PTPN2: variants seen among roughly 807,000 people sequenced by gnomAD.
PTPN2 encodes protein tyrosine phosphatase non-receptor type 2.
In PTPN2, 19 loss-of-function variants were observed where a neutral mutation model predicts 57.3. The ratio of observed to expected loss-of-function variants is 0.33; its 90% CI spans 0.23 to 0.49. The LOEUF (loss-of-function observed/expected upper bound fraction) is 0.49, where lower values mean the gene tolerates loss of function less well. PTPN2 is among the 20% of genes least tolerant of loss of function. The probability of loss-of-function intolerance (pLI) is 0.99; values close to 1 mark genes in which losing one functional copy is unlikely to be tolerated. For synonymous variants in PTPN2, 153 were observed against 164.9 expected (o/e 0.93, Z 0.55); for missense variants, 358 against 501.1 (o/e 0.71, Z 2.73).
chr18:12,860,077 CA>C (rs1379590922), intron 1 of PTPN2, among the ~76,000 whole-genome samples: 1 of 151,560 alleles, frequency 6.6e-6, no homozygotes, highest in Non-Finnish European at 1.5e-5. Flanking sequence ...CACCTGAGGT[CA>C]GGAGTTTGAG....
At chr18:12,873,355 C>T (rs1169039903) in intron 1 of PTPN2, among the ~76,000 whole-genome samples, 1 of 152,212 alleles carries the variant, frequency 6.6e-6, no homozygotes, top group Non-Finnish European at 1.5e-5. Flanking sequence ...CTGGACTGTA[C>T]TGCTGCCATC....
chr18:12,873,977 G>A (rs1412950139), intron 1 of PTPN2, among the ~76,000 whole-genome samples: 1 of 151,452 alleles, frequency 6.6e-6, no homozygotes, highest in African/African-American at 2.4e-5. Flanking sequence ...CTGCCCAGCC[G>A]CCCCATCTGA....
intron 4 of PTPN2, 87 bp from the exon 5 acceptor site, chr18:12,826,031 T>C (rs1487699868): frequency 1.9e-6 from 2 of 1,054,154 alleles, no homozygotes; most frequent in Non-Finnish European, 1.4e-6. Flanking sequence ...AAACCAGATA[T>C]ATACATGCTA....
intron 9 of PTPN2, chr18:12,786,981 TTC>T (rs2040859563): frequency 6.6e-6 from 1 of 152,242 alleles, no homozygotes; most frequent in Admixed American, 6.5e-5. Flanking sequence ...TTTGTATTGA[TTC>T]TGAGTGCTGC....
chr18:12,883,741 C>A, intron 1 of PTPN2: 1 of 226,968 alleles, frequency 4.4e-6, no homozygotes, highest in Non-Finnish European at 8.6e-6. Context: ...ACGGCTTTCC[C>A]AAGGACCCCC....
chr18:12,865,646 T>G (rs895311627), intron 1 of PTPN2, among the ~76,000 whole-genome samples: 8 of 151,656 alleles, frequency 5.3e-5, no homozygotes, highest in African/African-American at 1.7e-4. Context: ...CTGTCTCTAC[T>G]AAAATAAAAA....
chr18:12,807,584 A>ATATATATATATATATATATAT (rs1555660747), intron 7 of PTPN2, among the ~76,000 whole-genome samples: 2 of 55,010 alleles, frequency 3.6e-5, no homozygotes, highest in African/African-American at 4.9e-5. Context: ...AAAAAAAAAA[A>ATATATATATATATATATATAT]AAATATATAT....
chr18:12,799,495 C>T (rs893252481), intron 8 of PTPN2, among the ~76,000 whole-genome samples: 15 of 151,826 alleles, frequency 9.9e-5, no homozygotes, highest in African/African-American at 3.4e-4. Flanking sequence ...GCAAAGCTAT[C>T]TATAGGTATT....
chr18:12,814,404 A>G, intron 6 of PTPN2, 49 bp from the exon 7 acceptor site: 1 of 1,478,970 alleles, frequency 6.8e-7, no homozygotes, highest in South Asian at 1.3e-5. Flanking sequence ...GGAACCCAGG[A>G]AACAGAATCA....
intron 7 of PTPN2, among the ~76,000 whole-genome samples, chr18:12,803,090 A>G (rs1296955403): frequency 6.6e-6 from 1 of 152,208 alleles, no homozygotes; most frequent in Non-Finnish European, 1.5e-5. Context: ...ATGTAAATTA[A>G]GCAACAAAAT....
intron 2 of PTPN2, among the ~76,000 whole-genome samples, chr18:12,839,996 C>T (rs1020403309): frequency 1.3e-5 from 2 of 150,594 alleles, no homozygotes; most frequent in Admixed American, 1.3e-4. Flanking sequence ...ATTGTAAAGA[C>T]ATCTCCTTTT....
intron 3 of PTPN2, among the ~76,000 whole-genome samples, chr18:12,836,123 AG>A (rs1198409909): frequency 6.6e-6 from 1 of 152,364 alleles, no homozygotes; most frequent in South Asian, 2.1e-4. Flanking sequence ...AAAAATCTTT[AG>A]GGGGAAAGAC....
intron 5 of PTPN2, among the ~76,000 whole-genome samples, chr18:12,817,644 C>CTATTAAA (rs1281129460): frequency 1.3e-5 from 2 of 152,104 alleles, no homozygotes; most frequent in African/African-American, 4.8e-5. Context: ...CACAATAATC[C>CTATTAAA]TATTAAAGCC....
chr18:12,826,030 A>G lies in PTPN2; in HGVS notation c.361-86T>C, dbSNP rs190650600. 3 of 1,087,160 alleles carry G rather than the reference A, an allele frequency of 2.8e-6. No individual in the cohort carries two copies. In the Admixed American group the frequency reaches 8.0e-5, roughly 29 times the overall value. The allele number at this position is 1,087,160 out of a possible 1,614,324, so 67.3% of individuals were successfully genotyped here. On this transcript the variant is annotated intron_variant, in intron 4 of 8. Coordinates refer to ENST00000309660, the MANE Select transcript of PTPN2 (RefSeq NM_002828.4). ...GTTAAAAAATGAAAACAAACCAGAT[A>G]TATACATGCTATATTTTTTCAAGTA...
At chr18:12,826,266 G>A (rs1011242333) in intron 4 of PTPN2, among the ~76,000 whole-genome samples, 5 of 152,132 alleles carry the variant, frequency 3.3e-5, no homozygotes, top group Non-Finnish European at 4.4e-5. Context: ...AGCTAGGCGC[G>A]ATGGCGGGCG....
At chr18:12,880,861 CCT>C (rs1598907072) in intron 1 of PTPN2, among the ~76,000 whole-genome samples, 1 of 152,156 alleles carries the variant, frequency 6.6e-6, no homozygotes, top group Non-Finnish European at 1.5e-5. Context: ...TTACTCAGAC[CCT>C]CTCTCCCGAA....
chr18:12,845,582 T>C (rs1187110071), intron 2 of PTPN2, among the ~76,000 whole-genome samples: 1 of 152,224 alleles, frequency 6.6e-6, no homozygotes, highest in African/African-American at 2.4e-5. Flanking sequence ...TAGGACATTG[T>C]TGGGTAGATT....
At chr18:12,874,548 T>C (rs758926925) in intron 1 of PTPN2, among the ~76,000 whole-genome samples, 54 of 66,636 alleles carry the variant, frequency 8.1e-4, no homozygotes, top group African/African-American at 1.5e-3. Flanking sequence ...GGGGGTCAGC[T>C]CCCCGCCCGG....
chr18:12,819,209 C>T (rs762047470), intron 5 of PTPN2: 1 of 1,359,336 alleles, frequency 7.4e-7, no homozygotes, highest in Non-Finnish European at 9.9e-7. Context: ...CTAAAAAGTA[C>T]ATACTTTTAG....
Sources: gnomAD v4.1 joint callset for allele counts (sites outside exome capture counted in the v4.1 genomes callset) on GRCh38, gnomAD v4.1.1 for gene constraint, MANE v1.5 for transcripts, NCBI Gene and HGNC (gene_info 2026-07-23, HGNC 2026-07-21) for gene names.